NUP133: variants seen among roughly 807,000 people sequenced by gnomAD.
The protein encoded by NUP133 is nucleoporin 133, also known as nuclear pore complex protein Nup133.
A neutral mutation model predicts 146.2 loss-of-function variants in NUP133; 66 were observed. The ratio of observed to expected loss-of-function variants is 0.45; its 90% CI spans 0.37 to 0.55. The LOEUF (loss-of-function observed/expected upper bound fraction) is 0.55. Ranked by LOEUF, NUP133 falls within the 20% of genes least tolerant of loss-of-function variation. The pLI, the probability that NUP133 is intolerant of heterozygous loss-of-function variation, is 0.00. For missense variants in NUP133, 1,277 were observed against 1,374.8 expected (o/e 0.93, Z 1.12); for synonymous variants, 521 against 498.8 (o/e 1.04, Z -0.59).
chr1:229,500,767 G>A lies in NUP133; in HGVS notation c.502C>T (p.His168Tyr). Residue 168 changes from histidine to tyrosine, a missense_variant, in exon 4 of 26, where the codon CAT (histidine) becomes TAT (tyrosine). Around this residue, in one of 3 missense-constraint regions of NUP133, gnomAD observed 319 missense variants for 306.9 expected, o/e 1.04. Coordinates refer to ENST00000261396, the MANE Select transcript of NUP133 (RefSeq NM_018230.3). ...TTTAAGTCACCTACCTGAGTAGAAT[G>A]TGCTTCACCTGAGGGAGAAGAGTAA... ...LSYSSPSGEA[H>Y]STQAVAVMVA... is the part of the protein sequence containing the mutation. 1.2e-6 allele frequency: 2 copies of A among 1,606,648 alleles called. No individual in the cohort carries two copies. The highest frequency in any genetic ancestry group is 1.7e-6 in the Non-Finnish European group (2 of 1,173,962).
chr1:229,483,827 G>C (rs944317392), intron 12 of NUP133, among the ~76,000 whole-genome samples: 13 of 151,792 alleles, frequency 8.6e-5, no homozygotes, highest in African/African-American at 3.1e-4. Flanking sequence ...ATGAAGTGGA[G>C]AGAGTATGTT....
chr1:229,486,903 G>GAAA (rs572081486), intron 10 of NUP133, among the ~76,000 whole-genome samples: 1 of 115,134 alleles, frequency 8.7e-6, no homozygotes, highest in Non-Finnish European at 1.8e-5. Context: ...ATGGGGACTG[G>GAAA]AAAAAAAAAA....
At chr1:229,501,953 G>A (rs751540324) in intron 3 of NUP133, 46 bp downstream of exon 3, 7 of 1,348,594 alleles carry the variant, frequency 5.2e-6, no homozygotes, top group Non-Finnish European at 6.3e-6. Context: ...AAGTCAATTG[G>A]CATTCCTCTC....
intron 23 of NUP133, among the ~76,000 whole-genome samples, chr1:229,450,200 T>C (rs532241501): frequency 6.6e-6 from 1 of 152,050 alleles, no homozygotes; most frequent in South Asian, 2.1e-4. Flanking sequence ...CCAGCCAGAA[T>C]AAACTGATAA....
intron 25 of NUP133, among the ~76,000 whole-genome samples, chr1:229,443,388 A>G (rs1660227432): frequency 6.6e-6 from 1 of 152,126 alleles, no homozygotes; most frequent in South Asian, 2.1e-4. Flanking sequence ...GTTGGTGACT[A>G]ACTAGAAAAA....
intron 4 of NUP133, among the ~76,000 whole-genome samples, chr1:229,500,095 G>C (rs1197883303): frequency 6.6e-6 from 1 of 152,114 alleles, no homozygotes; most frequent in Non-Finnish European, 1.5e-5. Flanking sequence ...ATCAAGTTTA[G>C]AATTTTAAAA....
At chr1:229,492,465 T>G (rs1228321405) in intron 8 of NUP133, among the ~76,000 whole-genome samples, 10 of 152,102 alleles carry the variant, frequency 6.6e-5, no homozygotes, top group Non-Finnish European at 1.0e-4. Context: ...CAAAGCACCC[T>G]CTACTGACAA....
intron 5 of NUP133, among the ~76,000 whole-genome samples, chr1:229,498,770 A>C (rs1661721858): frequency 6.6e-6 from 1 of 152,134 alleles, no homozygotes; most frequent in South Asian, 2.1e-4. Context: ...AAAGAAAAAA[A>C]AAAAAAACAA....
At chr1:229,460,527 A>C in intron 20 of NUP133, 84 bp downstream of exon 20, 1 of 1,340,366 alleles carries the variant, frequency 7.5e-7, no homozygotes, top group Non-Finnish European at 1.0e-6. Context: ...GACAGTAAAC[A>C]GTATTTTAAT....
At chr1:229,461,164 T>G (rs1406389689) in intron 19 of NUP133, among the ~76,000 whole-genome samples, 4 of 152,198 alleles carry the variant, frequency 2.6e-5, no homozygotes, top group Non-Finnish European at 5.9e-5. Context: ...CAGCGCATTA[T>G]CAACAGCTCC....
chr1:229,466,933 T>G (rs1660839487), intron 15 of NUP133, among the ~76,000 whole-genome samples, 177 bp from the exon 16 acceptor site: 1 of 152,176 alleles, frequency 6.6e-6, no homozygotes. Context: ...TCTCCTAACT[T>G]TTAAAAGTCA....
chr1:229,487,445 T>C lies in NUP133; in HGVS notation c.1342+21A>G, dbSNP rs375292984. On this transcript the variant is annotated intron_variant, in intron 10 of 25. Transcript: ENST00000261396. ...TGACTAATGAGCTCACCAATCATGC[T>C]TTCTAAAACTGCTACTGTACCTTGT... is the stretch of plus-strand genomic sequence containing the variant. The C allele has an allele frequency of 2.7e-4, 433 of 1,602,518 alleles. 1 individual carries two copies. In the South Asian group the frequency reaches 4.6e-3, roughly 17 times the overall value.
Position 229,477,772 on chromosome 1 carries a change from T to C in NUP133, c.1593-12A>G, listed in dbSNP as rs201351863. On this transcript the variant is annotated splice_polypyrimidine_tract_variant and intron_variant, in intron 12 of 25. Transcript: ENST00000261396. Reference sequence around the variant, plus strand: ...GACCTAAATCTTTTCTGAAATAAAATTGGAAAACACAAGTATTAAGGGAGG... The same window carrying C: ...GACCTAAATCTTTTCTGAAATAAAACTGGAAAACACAAGTATTAAGGGAGG... 2.5e-6 allele frequency: 4 copies of C among 1,596,766 alleles called. No individual in the cohort carries two copies. Among genetic ancestry groups the C allele is most frequent in the Non-Finnish European group, 2.6e-6 (3 of 1,169,490 alleles).
In NUP133 at chr1:229,498,899, T is replaced by C. The variant is rs186981657; in HGVS notation, c.649-593A>G. Among the ~76,000 whole-genome samples, 579 of 152,254 alleles carry C rather than the reference T, an allele frequency of 3.8e-3. 3 individuals are homozygous for C. Among genetic ancestry groups the C allele is most frequent in the Non-Finnish European group, 7.0e-3 (474 of 68,010 alleles). On this transcript the variant is annotated intron_variant, in intron 5 of 25. Transcript: ENST00000261396. Reference sequence around the variant, plus strand: ...ATTTTATTTATTTATATTTTTTGTTTGCTATTTTATTTTTTTAGAGATAGG... The same window carrying C: ...ATTTTATTTATTTATATTTTTTGTTCGCTATTTTATTTTTTTAGAGATAGG...
intron 15 of NUP133, 46 bp from the exon 16 acceptor site, chr1:229,466,802 T>C: frequency 1.9e-6 from 3 of 1,601,964 alleles, no homozygotes; most frequent in Non-Finnish European, 2.6e-6. Context: ...AAAATTATGG[T>C]GATGGGTAAC....
intron 2 of NUP133, among the ~76,000 whole-genome samples, chr1:229,502,891 T>C (rs541519432): frequency 5.0e-4 from 76 of 151,476 alleles, no homozygotes; most frequent in African/African-American, 1.7e-3. Context: ...CCCAGGAGAT[T>C]GAAGCTGCAG....
chr1:229,471,219 C>T (rs548705028), intron 14 of NUP133, among the ~76,000 whole-genome samples: 1 of 152,242 alleles, frequency 6.6e-6, no homozygotes, highest in African/African-American at 2.4e-5. Context: ...ACCCTCAGCT[C>T]AAGCCATCTT....
chr1:229,452,317 A>G (rs931390646), intron 22 of NUP133, among the ~76,000 whole-genome samples: 1 of 152,214 alleles, frequency 6.6e-6, no homozygotes, highest in Non-Finnish European at 1.5e-5. Context: ...CTTTAGGTGG[A>G]GGTGTATGGG....
intron 15 of NUP133, among the ~76,000 whole-genome samples, chr1:229,468,915 G>A (rs1336702915): frequency 1.3e-5 from 2 of 152,002 alleles, no homozygotes; most frequent in Non-Finnish European, 2.9e-5. Flanking sequence ...CATTCCCCAG[G>A]AACTAACCCA....
Sources: allele counts gnomAD v4.1 joint callset (sites outside exome capture counted in the v4.1 genomes callset), GRCh38; gene constraint gnomAD v4.1.1; regional missense constraint gnomAD v4.1.1; transcripts MANE v1.5; gene names NCBI Gene and HGNC (gene_info 2026-07-23, HGNC 2026-07-21).